The following ECPAS variants were observed in gnomAD, a reference collection of about 807,000 sequenced individuals.
The protein encoded by ECPAS is Ecm29 proteasome adaptor and scaffold.
Under a neutral mutation model 255.1 loss-of-function variants are expected in ECPAS, and 70 were observed. That is an observed-to-expected ratio of 0.27 (90% CI 0.23 to 0.33). ECPAS has a LOEUF of 0.33. ECPAS is among the 10% of genes least tolerant of loss of function. ECPAS has a pLI of 1.00. For missense variants in ECPAS, 1,817 were observed against 2,206.4 expected (o/e 0.82, Z 3.54); for synonymous variants, 784 against 775.0 (o/e 1.01, Z -0.19).
At chr9:111,419,415 A>G (rs1000629581) in intron 16 of ECPAS, among the ~76,000 whole-genome samples, 1 of 152,186 alleles carries the variant, frequency 6.6e-6, no homozygotes, top group Middle Eastern at 3.2e-3. Flanking sequence ...AGATTTGAAA[A>G]GAGTTGTTTT....
rs1217483249 is a variant in ECPAS, at chr9:111,411,129, T to C, written c.2228A>G (p.Gln743Arg). The C allele has an allele frequency of 6.2e-7, 1 of 1,613,710 alleles. No homozygotes were observed. Residue 743 changes from glutamine (Q) to arginine (R), a missense_variant, in exon 22 of 50, where the codon CAG (glutamine) becomes CGG (arginine). This residue lies in a region of ECPAS where 194 missense variants were observed against 152.8 expected (regional missense o/e 1.27). Transcript: ENST00000684092. ...TTKDNHSPEIQHGSLLALGFT... is the reference protein window; with the variant it reads ...TTKDNHSPEIRHGSLLALGFT... Reference sequence around the variant, plus strand: ...TCCCAATGCAAGCAAGGATCCATGCTGTATCTCCGGGCTCTGAATTTAGCA... The same window carrying C: ...TCCCAATGCAAGCAAGGATCCATGCCGTATCTCCGGGCTCTGAATTTAGCA...
chr9:111,412,077 T>C lies in ECPAS; in HGVS notation c.2151A>G (p.Thr717=), dbSNP rs1291497020. Residue 717 remains threonine (T), a synonymous_variant, in exon 21 of 50, where the codon ACA becomes ACG. Transcript: ENST00000684092. ...TTGATTTCAACTCATTCCCCGACAC[T>C]GTTGATACCACTACAGAATAAAACA... ...AALFYSVVVS[T]VSGNELKSMI... is the part of the protein sequence containing the mutation. 5 of 1,595,826 alleles carry C rather than the reference T, an allele frequency of 3.1e-6. No individual in the cohort carries two copies. The highest frequency in any genetic ancestry group is 3.4e-6 in the Non-Finnish European group (4 of 1,174,968).
chr9:111,476,537 C>T (rs2098296459), intron 1 of ECPAS, among the ~76,000 whole-genome samples: 1 of 151,742 alleles, frequency 6.6e-6, no homozygotes, highest in South Asian at 2.1e-4. Context: ...TGGCAACATA[C>T]CCAAAAATCT....
At chr9:111,456,175 A>T (rs1455016355) in intron 2 of ECPAS, among the ~76,000 whole-genome samples, 3 of 152,202 alleles carry the variant, frequency 2.0e-5, no homozygotes, top group Non-Finnish European at 4.4e-5. Context: ...TCAAAACATA[A>T]ATGCATGGTT....
intron 46 of ECPAS, among the ~76,000 whole-genome samples, chr9:111,368,389 T>C (rs1254331115): frequency 6.6e-6 from 1 of 152,218 alleles, no homozygotes; most frequent in Non-Finnish European, 1.5e-5. Flanking sequence ...ACCCTGCTAA[T>C]AAACTTTGTG....
intron 2 of ECPAS, among the ~76,000 whole-genome samples, chr9:111,469,469 G>A (rs1169912260): frequency 6.6e-6 from 1 of 150,802 alleles, no homozygotes; most frequent in Non-Finnish European, 1.5e-5. Context: ...GGGAGGTGGA[G>A]CAGTGAGCCG....
intron 2 of ECPAS, among the ~76,000 whole-genome samples, chr9:111,470,025 G>A (rs1440059151): frequency 6.6e-6 from 1 of 152,096 alleles, no homozygotes; most frequent in African/African-American, 2.4e-5. Context: ...ATCCATCAAG[G>A]TTCCTGCAGG....
intron 2 of ECPAS, among the ~76,000 whole-genome samples, chr9:111,458,874 T>G (rs866529636): frequency 3.9e-5 from 6 of 152,180 alleles, no homozygotes; most frequent in African/African-American, 1.4e-4. Context: ...GTCTCTCCCT[T>G]TGGCTGGTTT....
Position 111,433,250 on chromosome 9 carries a change from T to A in ECPAS, c.831A>T (p.Glu277Asp). The change falls in exon 8 of 50, where the codon GAA (glutamate) becomes GAT (aspartate). Residue 277 changes from glutamate (E) to aspartate (D), a missense_variant. Coordinates refer to ENST00000684092, the MANE Select transcript of ECPAS (RefSeq NM_001364929.1). ...GTAGTTACCTCTGTTTGCTTTTCAA[T>A]TCCAGGTCTGCTGCCGTTGCCACAC... is the stretch of plus-strand genomic sequence containing the variant. ...RHSVATAADL[E>D]LKSKQSLIDW... 6.2e-7 allele frequency: 1 copy of A among 1,614,002 alleles called. No homozygotes were observed. The highest frequency in any genetic ancestry group is 8.5e-7 in the Non-Finnish European group (1 of 1,179,854).
chr9:111,432,358 A>T (rs1340527698), intron 8 of ECPAS, among the ~76,000 whole-genome samples: 1 of 152,240 alleles, frequency 6.6e-6, no homozygotes, highest in Non-Finnish European at 1.5e-5. Context: ...TCACGCCTGT[A>T]ATCCCAGCAC....
At chr9:111,420,172 A>C (rs2098211213) in intron 15 of ECPAS, 52 bp from the exon 16 acceptor site, 2 of 1,236,198 alleles carry the variant, frequency 1.6e-6, no homozygotes. Flanking sequence ...AAAGGAAAAA[A>C]AAAATCAATT....
At chr9:111,404,923 A>G (rs1446332491) in intron 24 of ECPAS, among the ~76,000 whole-genome samples, 1 of 149,568 alleles carries the variant, frequency 6.7e-6, no homozygotes, top group Non-Finnish European at 1.5e-5. Context: ...AGAACACACA[A>G]AAGAGAAGAC....
At chr9:111,427,270 T>C (rs559439450) in intron 10 of ECPAS, among the ~76,000 whole-genome samples, 2 of 152,032 alleles carry the variant, frequency 1.3e-5, no homozygotes, top group Admixed American at 6.5e-5. Flanking sequence ...AAGTAATAGT[T>C]TGAATTAATA....
At chr9:111,462,729 A>G (rs1307842850) in intron 2 of ECPAS, among the ~76,000 whole-genome samples, 1 of 147,764 alleles carries the variant, frequency 6.8e-6, no homozygotes, top group Non-Finnish European at 1.5e-5. Context: ...GAAGCACAAC[A>G]TTCATGGAAT....
chr9:111,466,277 T>A (rs997195615), intron 2 of ECPAS, among the ~76,000 whole-genome samples: 2 of 151,910 alleles, frequency 1.3e-5, no homozygotes, highest in African/African-American at 2.4e-5. Flanking sequence ...GAAACCCATG[T>A]CTAGTAAAAA....
chr9:111,467,120 G>T (rs1315186459), intron 2 of ECPAS, among the ~76,000 whole-genome samples: 1 of 151,772 alleles, frequency 6.6e-6, no homozygotes, highest in Non-Finnish European at 1.5e-5. Context: ...TTTCTTACAG[G>T]ACTAGAAAAA....
rs570194909 is a variant in ECPAS, at chr9:111,462,394, T to C, written c.22+10503A>G. Among the ~76,000 whole-genome samples, 71 of 152,292 alleles carry C rather than the reference T, an allele frequency of 4.7e-4. 2 individuals are homozygous for C. In the South Asian group the frequency reaches 0.012, roughly 26 times the overall value. ...GAAACAAGATGTGCACTATCATCAC[T>C]TCCAAGCAAATTGAACTGGAACTGC... On this transcript the variant is annotated intron_variant, in intron 2 of 49. Coordinates refer to ENST00000684092, the MANE Select transcript of ECPAS (RefSeq NM_001364929.1).
chr9:111,408,159 T>G (rs1234854813), intron 24 of ECPAS, among the ~76,000 whole-genome samples: 2 of 152,188 alleles, frequency 1.3e-5, no homozygotes, highest in Non-Finnish European at 2.9e-5. Flanking sequence ...ATCTTGGCAT[T>G]TGCCTACTTG....
intron 1 of ECPAS, among the ~76,000 whole-genome samples, chr9:111,480,885 ACTAT>A (rs1480369902): frequency 2.6e-5 from 4 of 152,222 alleles, no homozygotes; most frequent in Non-Finnish European, 5.9e-5. Context: ...AAATCCCTTA[ACTAT>A]CAGCATCTTA....
Sources: gnomAD v4.1 joint callset for allele counts (sites outside exome capture counted in the v4.1 genomes callset) on GRCh38, gnomAD v4.1.1 for gene constraint, gnomAD v4.1.1 regional missense constraint, MANE v1.5 for transcripts, NCBI Gene and HGNC (gene_info 2026-07-23, HGNC 2026-07-21) for gene names.